Variants in RYR3 observed in about 807,000 individuals in gnomAD.
The protein encoded by RYR3 is ryanodine receptor 3, also known as brain ryanodine receptor-calcium release channel.
Under a neutral mutation model 584.3 loss-of-function variants are expected in RYR3, and 207 were observed. That is an observed-to-expected ratio of 0.35 (90% CI 0.32 to 0.40). RYR3 has a LOEUF of 0.40. RYR3 is among the 10% of genes least tolerant of loss of function. RYR3 has a pLI of 1.00. For missense variants in RYR3, 5,616 were observed against 6,089.2 expected (o/e 0.92, Z 2.59); for synonymous variants, 2,416 against 2,248.5 (o/e 1.07, Z -2.11).
intron 1 of RYR3, among the ~76,000 whole-genome samples, chr15:33,419,563 G>C (rs1161430071): frequency 6.6e-6 from 1 of 152,098 alleles, no homozygotes; most frequent in African/African-American, 2.4e-5. Context: ...AAGATGTAAG[G>C]AAAGTACCTT....
intron 1 of RYR3, among the ~76,000 whole-genome samples, chr15:33,454,126 A>G (rs2072644114): frequency 6.6e-6 from 1 of 152,202 alleles, no homozygotes; most frequent in Non-Finnish European, 1.5e-5. Flanking sequence ...CTCACTTGAC[A>G]AAGTTTTGCG....
At chr15:33,854,971 C>G in intron 98 of RYR3, 59 bp downstream of exon 98, 3 of 1,493,976 alleles carry the variant, frequency 2.0e-6, no homozygotes, top group South Asian at 1.4e-5. Context: ...AAAAAAAGAA[C>G]AGCAGGTAGT....
At chr15:33,635,412 G>A (rs2061450709) in intron 25 of RYR3, among the ~76,000 whole-genome samples, 1 of 152,220 alleles carries the variant, frequency 6.6e-6, no homozygotes, top group Non-Finnish European at 1.5e-5. Context: ...CTACTATGAA[G>A]CAATCCCTCA....
chr15:33,593,512 T>C (rs2152537690), intron 16 of RYR3, among the ~76,000 whole-genome samples: 1 of 152,276 alleles, frequency 6.6e-6, no homozygotes, highest in South Asian at 2.1e-4. Context: ...CTGAAGTCCA[T>C]ACATTAGTAG....
At chr15:33,863,379 C>T (rs1332386227) in intron 102 of RYR3, among the ~76,000 whole-genome samples, 1 of 152,176 alleles carries the variant, frequency 6.6e-6, no homozygotes, top group African/African-American at 2.4e-5. Flanking sequence ...GCTCTATACA[C>T]TATACCACCA....
At chr15:33,850,602 C>A (rs2079036015) in intron 94 of RYR3, 1 of 151,224 alleles carries the variant, frequency 6.6e-6, no homozygotes. Context: ...AGTACATGTT[C>A]ATGTTTTGTA....
At chr15:33,646,680 G>A (rs938712433) in intron 29 of RYR3, among the ~76,000 whole-genome samples, 154 bp downstream of exon 29, 9 of 152,202 alleles carry the variant, frequency 5.9e-5, no homozygotes, top group South Asian at 2.1e-4. Flanking sequence ...GTATGTGCAC[G>A]CATGTACATG....
chr15:33,639,340 C>A (rs2061670606), intron 27 of RYR3, among the ~76,000 whole-genome samples: 1 of 152,156 alleles, frequency 6.6e-6, no homozygotes, highest in African/African-American at 2.4e-5. Context: ...AATTGGAAAG[C>A]TCTTTCAGTT....
intron 64 of RYR3, among the ~76,000 whole-genome samples, chr15:33,774,817 T>C (rs2073881039): frequency 6.6e-6 from 1 of 152,236 alleles, no homozygotes; most frequent in South Asian, 2.1e-4. Flanking sequence ...CCATATTTTA[T>C]ACCAAATCAC....
intron 38 of RYR3, among the ~76,000 whole-genome samples, chr15:33,695,214 A>G (rs993839797): frequency 2.0e-5 from 3 of 152,190 alleles, no homozygotes; most frequent in Non-Finnish European, 4.4e-5. Flanking sequence ...TAAGAGCAGC[A>G]TGTCTCACCT....
chr15:33,662,936 C>T lies in RYR3; in HGVS notation c.5406C>T (p.Ser1802=), dbSNP rs527977093. 2.0e-5 allele frequency: 33 copies of T among 1,611,762 alleles called. No homozygotes were observed. Among genetic ancestry groups the T allele is most frequent in the African/African-American group, 8.0e-5 (6 of 74,980 alleles). ...KGLLQTRLPE[S]VKLQMCELLS... is the part of the protein sequence containing the mutation. ...TGTTGCAGACTCGATTACCCGAATC[C>T]GTCAAGCTGCAGGTAAGCTGCAGGT... Residue 1802 remains serine, a synonymous_variant, in exon 35 of 104, where the codon TCC becomes TCT. Coordinates refer to ENST00000634891, the MANE Select transcript of RYR3 (RefSeq NM_001036.6).
intron 48 of RYR3, among the ~76,000 whole-genome samples, chr15:33,735,460 G>A (rs1042506768): frequency 6.6e-6 from 1 of 152,090 alleles, no homozygotes; most frequent in Non-Finnish European, 1.5e-5. Context: ...TACCTCCTTA[G>A]CTCCTTAGGC....
intron 3 of RYR3, among the ~76,000 whole-genome samples, chr15:33,517,165 T>G (rs1026417734): frequency 6.6e-6 from 1 of 152,156 alleles, no homozygotes; most frequent in African/African-American, 2.4e-5. Flanking sequence ...CAGCTAATTT[T>G]TGTATTTTTA....
chr15:33,410,747 G>A (rs965909265), intron 1 of RYR3, among the ~76,000 whole-genome samples: 17 of 152,196 alleles, frequency 1.1e-4, no homozygotes, highest in African/African-American at 4.1e-4. Flanking sequence ...GAGGAACCAT[G>A]GACGCTGTAT....
chr15:33,370,547 G>A (rs1032871160), intron 1 of RYR3, among the ~76,000 whole-genome samples: 1 of 152,150 alleles, frequency 6.6e-6, no homozygotes, highest in African/African-American at 2.4e-5. Flanking sequence ...CATCTTTCAT[G>A]TAGGTAATCA....
intron 69 of RYR3, among the ~76,000 whole-genome samples, chr15:33,803,593 G>A (rs2152933708): frequency 6.6e-6 from 1 of 152,154 alleles, no homozygotes; most frequent in South Asian, 2.1e-4. Context: ...TCGGCTCTCT[G>A]TGAGCTCTGC....
chr15:33,511,756 A>G (rs1383472134), intron 3 of RYR3, among the ~76,000 whole-genome samples: 2 of 152,170 alleles, frequency 1.3e-5, no homozygotes, highest in South Asian at 2.1e-4. Context: ...TATTTCTTCA[A>G]AACATTGCAA....
At chr15:33,641,692 G>C (rs2061835155) in intron 27 of RYR3, among the ~76,000 whole-genome samples, 1 of 152,154 alleles carries the variant, frequency 6.6e-6, no homozygotes, top group South Asian at 2.1e-4. Flanking sequence ...TTCTGCTGCT[G>C]TTTTCCAGAG....
intron 43 of RYR3, among the ~76,000 whole-genome samples, chr15:33,721,524 A>G (rs2067910188): frequency 6.6e-6 from 1 of 152,246 alleles, no homozygotes. Context: ...CAGTTCTCCA[A>G]GAAATACCTA....
Sources: allele counts gnomAD v4.1 joint callset (sites outside exome capture counted in the v4.1 genomes callset), GRCh38; gene constraint gnomAD v4.1.1; transcripts MANE v1.5; gene names NCBI Gene and HGNC (gene_info 2026-07-23, HGNC 2026-07-21).